Variants in RUBCNL observed in about 807,000 individuals in gnomAD.
The protein encoded by RUBCNL is protein associated with UVRAG as autophagy enhancer.
RUBCNL carries 62 observed loss-of-function variants against 69.5 expected under a neutral mutation model. The ratio of observed to expected loss-of-function variants is 0.89; its 90% confidence interval spans 0.73 to 1.10. The LOEUF (loss-of-function observed/expected upper bound fraction) is 1.10. RUBCNL is among the 50% of genes least tolerant of loss of function. RUBCNL has a pLI of 0.00. For synonymous variants in RUBCNL, 291 were observed against 303.6 expected, an observed-to-expected ratio of 0.96 and a Z score of 0.43; for missense variants, 768 against 798.1, an observed-to-expected ratio of 0.96 and a Z score of 0.45.
intron 1 of RUBCNL, among the ~76,000 whole-genome samples, chr13:46,385,098 T>C (rs2049208317): frequency 6.6e-6 from 1 of 152,244 alleles, no homozygotes; most frequent in Non-Finnish European, 1.5e-5. Context: ...GCAATGCTCT[T>C]AACCTCCCCC....
Position 46,337,124 on chromosome 13 carries a change from C to CT in RUBCNL, c.*6260dup, listed in dbSNP as rs997016947. Among the ~76,000 whole-genome samples, 1 of 151,170 alleles carries CT rather than the reference C, an allele frequency of 6.6e-6. No homozygotes were observed. Among genetic ancestry groups the CT allele is most frequent in the African/African-American group, 2.4e-5 (1 of 41,026 alleles). ...ACAGACCCCAGGGGGTTCTCTCTCT[C>CT]TCTCTTTTCCTTTTTCTTTTTTTGG... On this transcript the variant is annotated 3_prime_UTR_variant, in exon 15 of 15. Transcript: ENST00000429979.
At chr13:46,363,787 G>C (rs1371914947) in intron 5 of RUBCNL, among the ~76,000 whole-genome samples, 2 of 151,654 alleles carry the variant, frequency 1.3e-5, no homozygotes, top group Non-Finnish European at 2.9e-5. Context: ...CTTGAGCCTG[G>C]GAGGCGGAGA....
Position 46,341,987 on chromosome 13 carries a change from A to C in RUBCNL, c.*1398T>G, listed in dbSNP as rs2048148541. The C allele has an allele frequency of 6.6e-6, 1 of 152,284 alleles. No individual in the cohort carries two copies. The highest frequency in any genetic ancestry group is 1.5e-5 in the Non-Finnish European group (1 of 68,048). The allele number at this position is 152,284 out of a possible 1,614,324, so 9.4% of individuals were successfully genotyped here. On this transcript the variant is annotated 3_prime_UTR_variant, in exon 15 of 15. Transcript: ENST00000429979. ...TAACAGGGAATAGGAGCAATGGGCA[A>C]GAATGAAACATTGTTTGAAGTCTGG...
intron 2 of RUBCNL, chr13:46,374,522 G>A (rs1208416700): frequency 1.3e-5 from 2 of 152,196 alleles, no homozygotes; most frequent in African/African-American, 4.8e-5. Context: ...TCGGATAGAG[G>A]ACATATCAGA....
intron 5 of RUBCNL, among the ~76,000 whole-genome samples, chr13:46,366,480 CAT>C (rs1457589315): frequency 6.6e-6 from 1 of 152,238 alleles, no homozygotes; most frequent in African/African-American, 2.4e-5. Context: ...CTACACTGGT[CAT>C]ATGTGTCCCA....
At position 46,350,220 on chromosome 13, in the gene RUBCNL, T is replaced by C. The variant is rs552737686; in HGVS notation, c.1462A>G (p.Asn488Asp). 1.2e-5 allele frequency: 19 copies of C among 1,593,764 alleles called. No homozygotes were observed. In the South Asian group the frequency reaches 2.1e-4, roughly 17 times the overall value. Residue 488 changes from asparagine to aspartate, a missense_variant, in exon 11 of 15, where the codon AAT becomes GAT. Physicochemically the swap from Asn to Asp is conservative, Grantham distance 23 (BLOSUM62 1). Transcript: ENST00000429979. ...MWDFKKYYVS[N>D]FSKQLLDSIW... is the part of the protein sequence containing the mutation. ...CTGTCGAGCAGCTGTTTGGAGAAAT[T>C]GCTGACGTAGTACTTCTTGAAGTCC...
intron 12 of RUBCNL, among the ~76,000 whole-genome samples, chr13:46,347,713 T>C (rs1055240454): frequency 3.3e-5 from 5 of 151,716 alleles, no homozygotes; most frequent in Non-Finnish European, 7.4e-5. Flanking sequence ...AAATTCTGGC[T>C]GGGCGCGGTG....
intron 2 of RUBCNL, among the ~76,000 whole-genome samples, chr13:46,375,880 T>C (rs1462267711): frequency 6.6e-6 from 1 of 152,164 alleles, no homozygotes; most frequent in African/African-American, 2.4e-5. Flanking sequence ...ACATGTGGAT[T>C]TTCTTCCATA....
In RUBCNL at chr13:46,341,572, C is replaced by T. The variant is rs1228397252; in HGVS notation, c.*1813G>A. 6.6e-6 allele frequency among the ~76,000 whole-genome samples: 1 copy of T among 152,226 alleles called. No individual in the cohort carries two copies. Among genetic ancestry groups the T allele is most frequent in the Non-Finnish European group, 1.5e-5 (1 of 68,046 alleles). ...TCCTTAATATCAAAGATATGTAACA[C>T]ACACAGGCTCATCAGTGCCTTACAA... On this transcript the variant is annotated 3_prime_UTR_variant, in exon 15 of 15. Transcript: ENST00000429979.
chr13:46,378,088 T>TA (rs2049036672), intron 1 of RUBCNL, 83 bp from the exon 2 acceptor site: 8 of 700,424 alleles, frequency 1.1e-5, no homozygotes, highest in Non-Finnish European at 1.4e-5. Context: ...TGTAGTGTGT[T>TA]AGTTATTCAG....
intron 8 of RUBCNL, 73 bp from the exon 9 acceptor site, chr13:46,359,704 A>C: frequency 7.5e-7 from 1 of 1,331,138 alleles, no homozygotes; most frequent in Non-Finnish European, 1.0e-6. Flanking sequence ...GAAACATCTA[A>C]ATGTATTTCC....
chr13:46,356,366 G>T, intron 10 of RUBCNL, 66 bp downstream of exon 10: 1 of 1,492,950 alleles, frequency 6.7e-7, no homozygotes, highest in Non-Finnish European at 9.2e-7. Flanking sequence ...GCAATGCGCT[G>T]CCCTACTTTG....
chr13:46,344,282 C>T (rs889466295), intron 14 of RUBCNL, among the ~76,000 whole-genome samples: 16 of 152,158 alleles, frequency 1.1e-4, no homozygotes, highest in African/African-American at 3.4e-4. Context: ...GGGATTCTCT[C>T]GGGCACTAAT....
In RUBCNL at chr13:46,344,804, C is replaced by A. The variant is rs199831554; in HGVS notation, c.1813G>T (p.Glu605Ter). 1 of 1,611,776 alleles carries A rather than the reference C, an allele frequency of 6.2e-7. No individual in the cohort carries two copies. Among genetic ancestry groups the A allele is most frequent in the East Asian group, 2.2e-5 (1 of 44,832 alleles). ...ELCQGKGFIC[E>*]FCQNTTVIFP... ...ATGACAGTCGTATTCTGGCAAAATTCACAAATAAAGCCCTTTCCTTGACAC... is the reference window on the plus strand; with the variant it reads ...ATGACAGTCGTATTCTGGCAAAATTAACAAATAAAGCCCTTTCCTTGACAC... Residue 605 changes from glutamate (E) to a stop codon, truncating the protein, a stop_gained, in exon 14 of 15, where the codon GAA becomes TAA. Transcript: ENST00000429979. LOFTEE classifies it high-confidence loss of function.
chr13:46,359,733 G>A lies in RUBCNL; in HGVS notation c.1120-102C>T, dbSNP rs1024925848. 4 of 1,184,966 alleles carry A rather than the reference G, an allele frequency of 3.4e-6. No homozygotes were observed. The African/African-American group carries it at 6.2e-5, about 18-fold the overall frequency. 73.4% of individuals were successfully genotyped at this position (1,184,966 alleles called of 1,614,324 possible). ...TATTTCCAACATTAAAATTTACCATGAAAAATTAACAGTGCTTTTAACTGA... is the reference window on the plus strand; with the variant it reads ...TATTTCCAACATTAAAATTTACCATAAAAAATTAACAGTGCTTTTAACTGA... On this transcript the variant is annotated intron_variant, in intron 8 of 14. Coordinates refer to ENST00000429979, the MANE Select transcript of RUBCNL (RefSeq NM_025113.5).
At chr13:46,344,543 A>G (rs1286680907) in intron 14 of RUBCNL, among the ~76,000 whole-genome samples, 198 bp downstream of exon 14, 2 of 152,104 alleles carry the variant, frequency 1.3e-5, no homozygotes, top group African/African-American at 4.8e-5. Context: ...CCCCACCCAA[A>G]TACTCCTCCT....
intron 6 of RUBCNL, among the ~76,000 whole-genome samples, 172 bp downstream of exon 6, chr13:46,362,943 T>TAG (rs1331411986): frequency 7.0e-5 from 4 of 56,740 alleles, no homozygotes; most frequent in Admixed American, 5.1e-4. Context: ...TATATAGATA[T>TAG]ATATATATAT....
At position 46,339,414 on chromosome 13, in the gene RUBCNL, A is replaced by G. The variant is rs2048125656; in HGVS notation, c.*3971T>C. Among the ~76,000 whole-genome samples, 1 of 152,204 alleles carries G rather than the reference A, an allele frequency of 6.6e-6. No homozygotes were observed. The highest frequency in any genetic ancestry group is 6.5e-5 in the Admixed American group (1 of 15,290). On this transcript the variant is annotated 3_prime_UTR_variant, in exon 15 of 15. Transcript: ENST00000429979. ...CGATGAGTTCAGGAAGGCTTCCTGC[A>G]GGTAGCATCTGACGGTGGCTAAGCC...
intron 2 of RUBCNL, among the ~76,000 whole-genome samples, chr13:46,375,246 G>A (rs2048963883): frequency 6.6e-6 from 1 of 152,098 alleles, no homozygotes; most frequent in South Asian, 2.1e-4. Context: ...AAGAGCTAGA[G>A]AAAAGACCGG....
Sources: gnomAD v4.1 joint callset for allele counts (sites outside exome capture counted in the v4.1 genomes callset) on GRCh38, gnomAD v4.1.1 for gene constraint, MANE v1.5 for transcripts, NCBI Gene and HGNC (gene_info 2026-07-23, HGNC 2026-07-21) for gene names.